The following PGAP4 variants were observed in gnomAD, a reference collection of about 807,000 sequenced individuals.
PGAP4 encodes the protein GPI-N-acetylgalactosamine transferase PGAP4.
A neutral mutation model predicts 28.2 loss-of-function variants in PGAP4; 12 were observed. The ratio of observed to expected loss-of-function variants is 0.42; its 90% CI spans 0.27 to 0.69. The LOEUF is 0.69. Ranked by LOEUF, PGAP4 falls within the 30% of genes least tolerant of loss-of-function variation. The pLI, the probability that PGAP4 is intolerant of heterozygous loss-of-function variation, is 0.22. For synonymous variants in PGAP4, 205 were observed against 211.8 expected, an observed-to-expected ratio of 0.97 and a Z score of 0.28; for missense variants, 425 against 513.5, an observed-to-expected ratio of 0.83 and a Z score of 1.67.
chr9:101,477,060 G>A lies in PGAP4; in HGVS notation c.33C>T (p.Leu11=). Residue 11 remains leucine, a synonymous_variant, in exon 2 of 2, where the codon CTC becomes CTT. Transcript: ENST00000374848. MSTSTSPAAM[L]LRRLRRLSWG... ...AGGAGAGTCGCCGCAGCCTCCGGAG[G>A]AGCATGGCAGCTGGAGAGGTTGAAG... is the stretch of plus-strand genomic sequence containing the variant. The A allele has an allele frequency of 1.2e-6, 2 of 1,603,164 alleles. No individual in the cohort carries two copies. Among genetic ancestry groups the A allele is most frequent in the Non-Finnish European group, 1.7e-6 (2 of 1,175,628 alleles).
intron 2 of PGAP4, among the ~76,000 whole-genome samples, chr9:101,503,305 T>C (rs1826819532): frequency 1.3e-5 from 2 of 152,100 alleles, no homozygotes; most frequent in South Asian, 4.1e-4. Context: ...GCCTCAATCC[T>C]GGTCCTCCTT....
chr9:101,523,242 T>C (rs1827003563), intron 2 of PGAP4, among the ~76,000 whole-genome samples: 2 of 152,184 alleles, frequency 1.3e-5, no homozygotes, highest in African/African-American at 4.8e-5. Flanking sequence ...GTGTTTGGAT[T>C]TCTGGGTCTC....
Position 101,476,061 on chromosome 9 carries a change from G to A in PGAP4, c.1032C>T (p.Ala344=). Residue 344 remains alanine, a synonymous_variant, in exon 2 of 2, where the codon GCC becomes GCT. Transcript: ENST00000374848. This position sits in a 1 kb window ranked among gnomAD's most constrained non-coding sequence, Gnocchi z 7.0. ...TPAMLFPAPA[A]RRTLTYLSQV... is the part of the protein sequence containing the mutation. ...GGGACAGGTAGGTGAGGGTCCGGCG[G>A]GCCGCAGGTGCCGGGAAGAGCATGG... 1 of 1,614,184 alleles carries A rather than the reference G, an allele frequency of 6.2e-7. No homozygotes were observed. The highest frequency in any genetic ancestry group is 8.5e-7 in the Non-Finnish European group (1 of 1,180,036).
intron 2 of PGAP4, among the ~76,000 whole-genome samples, chr9:101,529,156 T>C (rs1371042458): frequency 3.4e-5 from 5 of 148,174 alleles, no homozygotes; most frequent in African/African-American, 1.2e-4. Flanking sequence ...CTCTCGGCTT[T>C]TTTTTTTTTT....
chr9:101,480,695 A>C (rs1259249058), intron 1 of PGAP4: 2 of 152,260 alleles, frequency 1.3e-5, no homozygotes, highest in Admixed American at 6.5e-5. Context: ...CTGGGATCAG[A>C]TCCTTCATTC....
Position 101,525,305 on chromosome 9 carries a change from A to G in PGAP4, c.-165+6043T>C, listed in dbSNP as rs117443148. Among the ~76,000 whole-genome samples, 948 of 152,324 alleles carry G rather than the reference A, an allele frequency of 6.2e-3. 10 individuals carry two copies. The highest frequency in any genetic ancestry group is 9.8e-3 in the Admixed American group (150 of 15,304). ...CGTAAATAGCTGAAATATTTCATTT[A>G]GAGAATAGAGTGAATAGGAGATGAG... On this transcript the variant is annotated intron_variant, in intron 2 of 3. Transcript: ENST00000374851.
chr9:101,513,389 A>G (rs1826914822), intron 2 of PGAP4, among the ~76,000 whole-genome samples: 1 of 152,204 alleles, frequency 6.6e-6, no homozygotes, highest in Non-Finnish European at 1.5e-5. Flanking sequence ...AATATGTTCT[A>G]ATCTATTTTT....
intron 2 of PGAP4, among the ~76,000 whole-genome samples, chr9:101,515,372 C>T (rs1378533409): frequency 6.6e-6 from 1 of 152,110 alleles, no homozygotes; most frequent in Non-Finnish European, 1.5e-5. Flanking sequence ...CCAGATAATT[C>T]AGGATAATTC....
chr9:101,509,295 T>C (rs1407566026), intron 2 of PGAP4, among the ~76,000 whole-genome samples: 2 of 152,200 alleles, frequency 1.3e-5, no homozygotes, highest in Non-Finnish European at 2.9e-5. Flanking sequence ...CCACGTTCAC[T>C]AGTGGCCCCC....
chr9:101,507,389 T>C (rs890588293), intron 2 of PGAP4, among the ~76,000 whole-genome samples: 51 of 152,158 alleles, frequency 3.4e-4, no homozygotes, highest in African/African-American at 1.2e-3. Flanking sequence ...AACTGTCTCC[T>C]AATAAAGTTA....
rs1826344669 is a variant in PGAP4, at chr9:101,477,058, A to G, written c.35T>C (p.Leu12Pro). The change falls in exon 2 of 2, where the codon CTC becomes CCC. Residue 12 changes from leucine (L) to proline (P), a missense_variant. Leu to Pro is a moderately conservative substitution (Grantham distance 98). Coordinates refer to ENST00000374848, the MANE Select transcript of PGAP4 (RefSeq NM_032342.3). ...CCAGGAGAGTCGCCGCAGCCTCCGG[A>G]GGAGCATGGCAGCTGGAGAGGTTGA... The part of the protein sequence containing the change: ...STSTSPAAML[L>P]RRLRRLSWGS... The G allele has an allele frequency of 4.4e-6, 7 of 1,605,172 alleles. No homozygotes were observed. The highest frequency in any genetic ancestry group is 1.1e-5 in the South Asian group (1 of 89,538).
chr9:101,498,863 T>C lies in PGAP4; in HGVS notation c.-164-9663A>G, dbSNP rs568067353. ...TAGTGGCTTTTAATTAGCTATCTTG[T>C]GTCTACTGTTTAGAATGTTTATTTT... is the stretch of plus-strand genomic sequence containing the variant. On this transcript the variant is annotated intron_variant, in intron 2 of 3. Coordinates refer to the PGAP4 transcript ENST00000374851. Among the ~76,000 whole-genome samples the C allele has an allele frequency of 4.6e-5, 7 of 152,172 alleles. No homozygotes were observed. The South Asian group carries it at 1.4e-3, about 31-fold the overall frequency.
chr9:101,484,872 T>A (rs1826577709), intron 1 of PGAP4, among the ~76,000 whole-genome samples: 1 of 152,206 alleles, frequency 6.6e-6, no homozygotes, highest in African/African-American at 2.4e-5. Flanking sequence ...ATGACCATTT[T>A]ATTTTTAATG....
At chr9:101,481,791 T>A (rs976256272) in intron 1 of PGAP4, among the ~76,000 whole-genome samples, 1 of 152,218 alleles carries the variant, frequency 6.6e-6, no homozygotes, top group African/African-American at 2.4e-5. Context: ...AAATCCACTA[T>A]ATGAATGGCA....
At chr9:101,495,252 ATATAGTT>A (rs1243599146) in intron 2 of PGAP4, among the ~76,000 whole-genome samples, 1 of 12,500 alleles carries the variant, frequency 8.0e-5, no homozygotes, top group East Asian at 3.6e-3. Context: ...AATATATATT[ATATAGTT>A]TATATATTTT....
intron 2 of PGAP4, among the ~76,000 whole-genome samples, chr9:101,501,385 G>T (rs909895093): frequency 2.0e-5 from 3 of 152,070 alleles, no homozygotes; most frequent in Non-Finnish European, 4.4e-5. Context: ...GAATTCCATT[G>T]ACAAGCAGGA....
Position 101,502,837 on chromosome 9 carries a change from C to T in PGAP4, c.-164-13637G>A, listed in dbSNP as rs75944251. ...CTATAAGAAAGACATCTTTTTCTTG[C>T]CACTTCTCATAATCATAATTTTGAT... On this transcript the variant is annotated intron_variant, in intron 2 of 3. Transcript: ENST00000374851. Among the ~76,000 whole-genome samples the T allele has an allele frequency of 3.1e-4, 47 of 152,122 alleles. No individual in the cohort carries two copies. The East Asian group carries it at 8.9e-3, about 29-fold the overall frequency.
chr9:101,498,758 A>T (rs1826773506), intron 2 of PGAP4, among the ~76,000 whole-genome samples: 1 of 152,062 alleles, frequency 6.6e-6, no homozygotes, highest in South Asian at 2.1e-4. Context: ...TAATCCCTTA[A>T]GAGCAACAAA....
intron 1 of PGAP4, among the ~76,000 whole-genome samples, chr9:101,479,014 C>T (rs1240530832): frequency 6.6e-6 from 1 of 152,220 alleles, no homozygotes; most frequent in Non-Finnish European, 1.5e-5. Flanking sequence ...GCAGATTGTA[C>T]TATGGGACTC....
Sources: gnomAD v4.1 joint callset for allele counts (sites outside exome capture counted in the v4.1 genomes callset) on GRCh38, gnomAD v4.1.1 for gene constraint, Gnocchi (gnomAD v3.1) non-coding constraint, MANE v1.5 for transcripts, NCBI Gene and HGNC (gene_info 2026-07-23, HGNC 2026-07-21) for gene names.